VPS13B: variants seen among roughly 807,000 people sequenced by gnomAD.
The protein encoded by VPS13B is intermembrane lipid transfer protein VPS13B.
A neutral mutation model predicts 426.4 loss-of-function variants in VPS13B; 285 were observed. The ratio of observed to expected loss-of-function variants is 0.67; its 90% confidence interval spans 0.61 to 0.74. The LOEUF is 0.74. VPS13B is among the 30% of genes least tolerant of loss of function. The pLI, the probability that VPS13B is intolerant of heterozygous loss-of-function variation, is 0.00. For missense variants in VPS13B, 4,537 were observed against 4,782.6 expected, an observed-to-expected ratio of 0.95 and a Z score of 1.51; for synonymous variants, 1,676 against 1,676.4, an observed-to-expected ratio of 1.00 and a Z score of 0.01.
At chr8:99,033,258 G>C (rs184766222) in intron 2 of VPS13B, among the ~76,000 whole-genome samples, 1 of 152,178 alleles carries the variant, frequency 6.6e-6, no homozygotes, top group Non-Finnish European at 1.5e-5. Flanking sequence ...ATTTTAATTT[G>C]CTTGCATTAT....
chr8:99,650,169 G>A (rs1346612965), intron 34 of VPS13B, among the ~76,000 whole-genome samples: 2 of 152,100 alleles, frequency 1.3e-5, no homozygotes, highest in Non-Finnish European at 2.9e-5. Context: ...TCCTCTAAAA[G>A]TGATACTTTT....
intron 31 of VPS13B, among the ~76,000 whole-genome samples, chr8:99,570,330 T>A (rs1011387121): frequency 6.6e-6 from 1 of 152,148 alleles, no homozygotes; most frequent in African/African-American, 2.4e-5. Flanking sequence ...TAGTTATATA[T>A]GTTGGACTCA....
At chr8:99,802,914 T>G (rs758729076) in intron 43 of VPS13B, among the ~76,000 whole-genome samples, 7 of 152,220 alleles carry the variant, frequency 4.6e-5, no homozygotes, top group Non-Finnish European at 1.0e-4. Context: ...CTCCATTTGT[T>G]TTTTCATCTG....
intron 3 of VPS13B, among the ~76,000 whole-genome samples, chr8:99,078,090 AC>A (rs1385886028): frequency 3.3e-5 from 5 of 150,170 alleles, no homozygotes; most frequent in Non-Finnish European, 7.4e-5. Flanking sequence ...TTTTTTTATA[AC>A]CTTGTATTAT....
chr8:99,386,019 G>A (rs1431957247), intron 20 of VPS13B, among the ~76,000 whole-genome samples: 1 of 152,164 alleles, frequency 6.6e-6, no homozygotes, highest in African/African-American at 2.4e-5. Flanking sequence ...TAGGAAATTG[G>A]TATAAACAGA....
At chr8:99,378,342 G>T (rs1049828171) in intron 19 of VPS13B, among the ~76,000 whole-genome samples, 1 of 152,060 alleles carries the variant, frequency 6.6e-6, no homozygotes, top group Non-Finnish European at 1.5e-5. Flanking sequence ...AAGGTGCCCA[G>T]ATTTCATATT....
intron 34 of VPS13B, among the ~76,000 whole-genome samples, chr8:99,652,016 TAA>T (rs1829833406): frequency 6.6e-6 from 1 of 152,216 alleles, no homozygotes; most frequent in Non-Finnish European, 1.5e-5. Flanking sequence ...ATACAGAAGT[TAA>T]AGTTTATTTG....
chr8:99,135,369 G>T (rs917733297), intron 10 of VPS13B, among the ~76,000 whole-genome samples: 3 of 151,984 alleles, frequency 2.0e-5, no homozygotes, highest in Admixed American at 6.6e-5. Context: ...TCTTATTCAT[G>T]AATCTTTCTT....
chr8:99,165,019 T>C (rs1229085458), intron 15 of VPS13B, among the ~76,000 whole-genome samples: 2 of 152,134 alleles, frequency 1.3e-5, no homozygotes, highest in African/African-American at 4.8e-5. Context: ...ATTGGGAGAG[T>C]TGGCATGGAT....
chr8:99,437,412 AAT>A (rs1554790776), intron 22 of VPS13B, among the ~76,000 whole-genome samples: 1 of 150,906 alleles, frequency 6.6e-6, no homozygotes. Context: ...TTTAAAAAAA[AAT>A]ATATATATAT....
intron 39 of VPS13B, among the ~76,000 whole-genome samples, chr8:99,738,500 TAAGAAA>T (rs1833934539): frequency 6.6e-6 from 1 of 152,230 alleles, no homozygotes; most frequent in African/African-American, 2.4e-5. Context: ...TTGAACACAT[TAAGAAA>T]ATTCAGAGCT....
At chr8:99,745,565 A>C (rs1299628321) in intron 39 of VPS13B, among the ~76,000 whole-genome samples, 2 of 152,136 alleles carry the variant, frequency 1.3e-5, no homozygotes, top group South Asian at 4.1e-4. Context: ...ATGCATGTAT[A>C]GAAAAGAACA....
chr8:99,336,785 G>A, intron 19 of VPS13B, among the ~76,000 whole-genome samples: 1 of 152,208 alleles, frequency 6.6e-6, no homozygotes, highest in East Asian at 1.9e-4. Flanking sequence ...CTGGCCATCA[G>A]AGAAATGCAA....
At chr8:99,457,654 T>C (rs1215698706) in intron 23 of VPS13B, among the ~76,000 whole-genome samples, 1 of 152,116 alleles carries the variant, frequency 6.6e-6, no homozygotes, top group African/African-American at 2.4e-5. Flanking sequence ...ATCTTATTAT[T>C]TCTCATCTTA....
intron 35 of VPS13B, among the ~76,000 whole-genome samples, chr8:99,679,265 T>A (rs773540163): frequency 1.3e-5 from 2 of 152,158 alleles, no homozygotes; most frequent in Non-Finnish European, 2.9e-5. Flanking sequence ...TATGCCATCA[T>A]TGAAATAGTA....
intron 14 of VPS13B, among the ~76,000 whole-genome samples, chr8:99,155,865 T>C (rs1365008964): frequency 6.6e-6 from 1 of 152,172 alleles, no homozygotes; most frequent in Non-Finnish European, 1.5e-5. Flanking sequence ...GAACCACAGG[T>C]AGAGCATTTT....
intron 27 of VPS13B, 122 bp from the exon 28 acceptor site, chr8:99,507,015 A>G: frequency 9.9e-7 from 1 of 1,010,874 alleles, no homozygotes. Flanking sequence ...GCATTGTCAG[A>G]TTTATGTTTT....
chr8:99,349,332 C>CAA (rs35441676), intron 19 of VPS13B, among the ~76,000 whole-genome samples: 2,295 of 47,680 alleles, frequency 0.048, 368 homozygotes, highest in African/African-American at 0.078. Context: ...GACTCCGTCT[C>CAA]AAAAAAAAAA....
At chr8:99,058,552 T>G (rs1465443196) in intron 3 of VPS13B, among the ~76,000 whole-genome samples, 1 of 152,158 alleles carries the variant, frequency 6.6e-6, no homozygotes, top group Non-Finnish European at 1.5e-5. Flanking sequence ...GGATTGCTGG[T>G]CTCATGCATA....
Sources: allele counts gnomAD v4.1 joint callset (sites outside exome capture counted in the v4.1 genomes callset), GRCh38; gene constraint gnomAD v4.1.1; transcripts MANE v1.5; gene names NCBI Gene and HGNC (gene_info 2026-07-23, HGNC 2026-07-21).